Variants in ULK4 observed in about 807,000 individuals in gnomAD.
The protein encoded by ULK4 is inactive serine/threonine-protein kinase ULK4.
ULK4 carries 133 observed loss-of-function variants against 160.6 expected under a neutral mutation model. The observed-to-expected ratio is 0.83, with a 90% CI of 0.72 to 0.96. The LOEUF (loss-of-function observed/expected upper bound fraction) is 0.96, where lower values mean the gene tolerates loss of function less well. Among genes scored for constraint, ULK4 ranks in the 40% least tolerant of loss-of-function variants. ULK4 has a pLI of 0.00. For synonymous variants in ULK4, 534 were observed against 539.8 expected (o/e 0.99, Z 0.15); for missense variants, 1,580 against 1,499.5 (o/e 1.05, Z -0.89).
chr3:41,480,572 ATCTTC>A (rs764580887), intron 32 of ULK4, among the ~76,000 whole-genome samples: 2 of 152,178 alleles, frequency 1.3e-5, no homozygotes, highest in Non-Finnish European at 2.9e-5. Context: ...TAACAAATAT[ATCTTC>A]TCTTCCTTAT....
At chr3:41,868,897 C>T (rs1696996018) in intron 17 of ULK4, 1 of 152,054 alleles carries the variant, frequency 6.6e-6, no homozygotes, top group Non-Finnish European at 1.5e-5. Flanking sequence ...AGGTTTAAGT[C>T]TATCATCTTG....
At chr3:41,949,767 GTC>G (rs1206841847) in intron 2 of ULK4, among the ~76,000 whole-genome samples, 2 of 149,132 alleles carry the variant, frequency 1.3e-5, no homozygotes, top group Admixed American at 6.7e-5. Flanking sequence ...TTGAGACAGT[GTC>G]TCTGTCGCCC....
intron 35 of ULK4, among the ~76,000 whole-genome samples, chr3:41,372,220 T>C (rs1295395891): frequency 6.6e-6 from 1 of 152,130 alleles, no homozygotes; most frequent in East Asian, 1.9e-4. Context: ...GAAAACACTC[T>C]GCAGGATATT....
chr3:41,922,490 G>C (rs1699225142), intron 5 of ULK4, among the ~76,000 whole-genome samples: 1 of 151,928 alleles, frequency 6.6e-6, no homozygotes, highest in Non-Finnish European at 1.5e-5. Flanking sequence ...AGTATGGAAG[G>C]AAAGAGAAAG....
intron 32 of ULK4, among the ~76,000 whole-genome samples, chr3:41,469,051 A>G (rs1232561262): frequency 1.3e-5 from 2 of 152,152 alleles, no homozygotes; most frequent in African/African-American, 4.8e-5. Flanking sequence ...AGTTCTACCT[A>G]GCTTAAATCT....
intron 27 of ULK4, among the ~76,000 whole-genome samples, chr3:41,696,372 CCTCT>C (rs1190879919): frequency 1.3e-5 from 2 of 151,444 alleles, no homozygotes; most frequent in East Asian, 1.9e-4. Context: ...TCTCTCTCTC[CCTCT>C]CTCTCTCTGC....
chr3:41,886,510 C>T (rs1460419274), intron 16 of ULK4, among the ~76,000 whole-genome samples: 1 of 151,808 alleles, frequency 6.6e-6, no homozygotes, highest in African/African-American at 2.4e-5. Flanking sequence ...TTAGGCTAAA[C>T]TCATGAGAAA....
In ULK4 at chr3:41,794,391, C is replaced by T. The variant is rs146692886; in HGVS notation, c.2011-4548G>A. Among the ~76,000 whole-genome samples the T allele has an allele frequency of 6.6e-5, 10 of 152,208 alleles. No individual in the cohort carries two copies. The South Asian group carries it at 1.5e-3, about 22-fold the overall frequency. The stretch of plus-strand genomic sequence containing the variant: ...AGAAAAAACTGTGCATAAGGCCGGA[C>T]GCTGTGGCTCACGCCTGTAATCCTG... On this transcript the variant is annotated intron_variant, in intron 20 of 36. Coordinates refer to ENST00000301831, the MANE Select transcript of ULK4 (RefSeq NM_017886.4).
chr3:41,579,483 ATATTT>A (rs1375151958), intron 31 of ULK4, among the ~76,000 whole-genome samples: 13 of 117,074 alleles, frequency 1.1e-4, no homozygotes, highest in African/African-American at 2.3e-4. Context: ...TCTGGAACTA[ATATTT>A]TTTTTTTTTT....
At chr3:41,511,501 C>T (rs749499255) in intron 32 of ULK4, among the ~76,000 whole-genome samples, 2 of 152,108 alleles carry the variant, frequency 1.3e-5, no homozygotes, top group African/African-American at 4.8e-5. Flanking sequence ...TTCAAGGCTA[C>T]TATGAGCACC....
chr3:41,641,714 A>G (rs1478790405), intron 30 of ULK4, among the ~76,000 whole-genome samples: 1 of 152,182 alleles, frequency 6.6e-6, no homozygotes, highest in African/African-American at 2.4e-5. Flanking sequence ...CCAATGTGAA[A>G]GAAGTAAATT....
chr3:41,469,252 C>T (rs532788885), intron 32 of ULK4, among the ~76,000 whole-genome samples: 4 of 152,258 alleles, frequency 2.6e-5, no homozygotes, highest in South Asian at 4.2e-4. Flanking sequence ...AGACAAATCT[C>T]AACTGTGAAT....
chr3:41,857,134 A>T lies in ULK4; in HGVS notation c.1657-21163T>A, dbSNP rs749392067. Among the ~76,000 whole-genome samples, 4 of 152,164 alleles carry T rather than the reference A, an allele frequency of 2.6e-5. No individual in the cohort carries two copies. The South Asian group carries it at 8.3e-4, about 31-fold the overall frequency. The stretch of plus-strand genomic sequence containing the variant: ...GAAACTCAGCTATCTTCTGGAGAAC[A>T]GCATAAACTAGGCTGACTAACTTCT... On this transcript the variant is annotated intron_variant, in intron 17 of 36. Coordinates refer to ENST00000301831, the MANE Select transcript of ULK4 (RefSeq NM_017886.4).
chr3:41,428,741 C>T (rs2082835876), intron 34 of ULK4, among the ~76,000 whole-genome samples: 1 of 152,100 alleles, frequency 6.6e-6, no homozygotes, highest in Non-Finnish European at 1.5e-5. Context: ...AAACTGGACC[C>T]CTTCCTTACA....
intron 9 of ULK4, among the ~76,000 whole-genome samples, chr3:41,912,428 T>C (rs182133138): frequency 1.3e-5 from 2 of 152,306 alleles, no homozygotes; most frequent in Admixed American, 6.5e-5. Flanking sequence ...TCTTCAACTT[T>C]GCATCTGGGA....
At chr3:41,608,501 T>C (rs923260409) in intron 31 of ULK4, among the ~76,000 whole-genome samples, 14 of 152,206 alleles carry the variant, frequency 9.2e-5, no homozygotes, top group African/African-American at 3.1e-4. Flanking sequence ...TGGTTTCATA[T>C]TGAGAATGAG....
chr3:41,772,050 T>A (rs1021449291), intron 21 of ULK4, among the ~76,000 whole-genome samples: 3 of 152,156 alleles, frequency 2.0e-5, no homozygotes, highest in Non-Finnish European at 2.9e-5. Context: ...TATACCAGAA[T>A]CTCTGGGACA....
At chr3:41,663,483 A>G (rs2035252299) in intron 30 of ULK4, 124 bp downstream of exon 30, 2 of 870,328 alleles carry the variant, frequency 2.3e-6, no homozygotes, top group Middle Eastern at 4.8e-4. Context: ...AAACTTAAAA[A>G]AATGACGATT....
chr3:41,424,585 T>C (rs899414874), intron 34 of ULK4, among the ~76,000 whole-genome samples: 29 of 152,214 alleles, frequency 1.9e-4, no homozygotes, highest in African/African-American at 6.3e-4. Flanking sequence ...CATCTTTGCT[T>C]TTCTGGAGCC....
Sources: gnomAD v4.1 joint callset for allele counts (sites outside exome capture counted in the v4.1 genomes callset) on GRCh38, gnomAD v4.1.1 for gene constraint, MANE v1.5 for transcripts, NCBI Gene and HGNC (gene_info 2026-07-23, HGNC 2026-07-21) for gene names.